Variants in FOXP1 observed in about 807,000 individuals in gnomAD.
The protein encoded by FOXP1 is forkhead box protein P1.
FOXP1 carries 15 observed loss-of-function variants against 98.2 expected under a neutral mutation model. The ratio of observed to expected loss-of-function variants is 0.15; its 90% CI spans 0.10 to 0.24. The LOEUF (loss-of-function observed/expected upper bound fraction) is 0.24. FOXP1 is among the 10% of genes least tolerant of loss of function. FOXP1 has a pLI of 1.00. For missense variants in FOXP1, 633 were observed against 848.5 expected, an observed-to-expected ratio of 0.75 and a Z score of 3.15; for synonymous variants, 371 against 314.5, an observed-to-expected ratio of 1.18 and a Z score of -1.90.
chr3:71,382,045 G>T (rs2080216985), intron 3 of FOXP1, among the ~76,000 whole-genome samples: 1 of 152,186 alleles, frequency 6.6e-6, no homozygotes, highest in Non-Finnish European at 1.5e-5. Context: ...GCCTAGGCAG[G>T]CGAGTTTCTT....
intron 13 of FOXP1, among the ~76,000 whole-genome samples, chr3:70,993,032 G>T (rs560785743): frequency 6.6e-6 from 1 of 152,132 alleles, no homozygotes; most frequent in South Asian, 2.1e-4. Context: ...GCCAAAGGGG[G>T]ATACATTACA....
chr3:70,997,435 T>C (rs777800296), intron 13 of FOXP1, among the ~76,000 whole-genome samples: 11 of 152,208 alleles, frequency 7.2e-5, no homozygotes, highest in Non-Finnish European at 1.6e-4. Flanking sequence ...GTGTCCCAAA[T>C]GCCCCCATAT....
intron 2 of FOXP1, among the ~76,000 whole-genome samples, chr3:71,510,964 A>G (rs2042164257): frequency 6.6e-6 from 1 of 152,214 alleles, no homozygotes; most frequent in Non-Finnish European, 1.5e-5. Flanking sequence ...ACTATTATTA[A>G]ACACCCCATT....
intron 2 of FOXP1, among the ~76,000 whole-genome samples, chr3:71,539,001 T>C (rs2044543189): frequency 6.6e-6 from 1 of 152,096 alleles, no homozygotes; most frequent in Non-Finnish European, 1.5e-5. Context: ...GGTTTATTTC[T>C]TGACTCTCAA....
intron 1 of FOXP1, chr3:71,582,641 G>A (rs2048278005): frequency 2.0e-6 from 2 of 985,312 alleles, no homozygotes; most frequent in East Asian, 1.1e-4. Context: ...GTGTGTGATG[G>A]TGGGAGAGAG....
At chr3:71,179,359 C>T (rs1023747616) in intron 6 of FOXP1, among the ~76,000 whole-genome samples, 2 of 151,958 alleles carry the variant, frequency 1.3e-5, no homozygotes, top group Admixed American at 6.6e-5. Context: ...CCACCTGCCT[C>T]GGCCTCTCAA....
At chr3:71,008,048 A>T (rs1453413519) in intron 12 of FOXP1, among the ~76,000 whole-genome samples, 1 of 152,196 alleles carries the variant, frequency 6.6e-6, no homozygotes, top group African/African-American at 2.4e-5. Context: ...TTCAAATAGG[A>T]TACTAAGCAA....
intron 3 of FOXP1, among the ~76,000 whole-genome samples, chr3:71,462,549 GAC>G (rs2088245693): frequency 6.6e-6 from 1 of 152,134 alleles, no homozygotes; most frequent in South Asian, 2.1e-4. Context: ...AACTTTCTAA[GAC>G]AGAATAAAAT....
At chr3:71,234,857 T>G (rs987131002) in intron 5 of FOXP1, among the ~76,000 whole-genome samples, 8 of 152,110 alleles carry the variant, frequency 5.3e-5, no homozygotes, top group Non-Finnish European at 8.8e-5. Context: ...TACTAATGAA[T>G]CTGCAGCTTC....
Position 71,529,738 on chromosome 3 carries a change from T to G in FOXP1, c.-297-36183A>C, listed in dbSNP as rs185977046. ...CTGAACATGTCGAGGTTCCTGGGGT[T>G]GCCACCTCCAGAGAAGGCATGGCAT... On this transcript the variant is annotated intron_variant, in intron 2 of 20. Coordinates refer to ENST00000649528, the MANE Select transcript of FOXP1 (RefSeq NM_001349338.3). Among the ~76,000 whole-genome samples, 196 of 152,332 alleles carry G rather than the reference T, an allele frequency of 1.3e-3. 4 individuals are homozygous for G. Among genetic ancestry groups the G allele is most frequent in the Non-Finnish European group, 4.0e-4 (27 of 68,038 alleles).
chr3:71,059,361 T>C (rs1028519375), intron 7 of FOXP1, among the ~76,000 whole-genome samples: 3 of 152,160 alleles, frequency 2.0e-5, no homozygotes, highest in Non-Finnish European at 4.4e-5. Context: ...GCAGAGGTAT[T>C]AGTGGAACAT....
At chr3:70,988,903 G>GAAAT (rs2040178167) in intron 13 of FOXP1, among the ~76,000 whole-genome samples, 1 of 152,108 alleles carries the variant, frequency 6.6e-6, no homozygotes, top group Non-Finnish European at 1.5e-5. Flanking sequence ...AAGATAAAGG[G>GAAAT]ATAGTCAAGA....
rs558048573 is a variant in FOXP1 at position 71,303,475 on chromosome 3, T to C, written c.-72-3595A>G. Among the ~76,000 whole-genome samples, 8 of 152,300 alleles carry C rather than the reference T, an allele frequency of 5.3e-5. No homozygotes were observed. In the South Asian group the frequency reaches 1.7e-3, roughly 32 times the overall value. On this transcript the variant is annotated intron_variant, in intron 4 of 20. Transcript: ENST00000649528. ...CCTCCAATCAAATGGCCTGTACTCA[T>C]TTGCAAAAACTGGTCCAAATAGGCC...
At chr3:71,406,105 C>G (rs1172457039) in intron 3 of FOXP1, among the ~76,000 whole-genome samples, 1 of 152,108 alleles carries the variant, frequency 6.6e-6, no homozygotes, top group Non-Finnish European at 1.5e-5. Flanking sequence ...GTCACCGTAC[C>G]ATACCAGGCA....
intron 7 of FOXP1, among the ~76,000 whole-genome samples, chr3:71,097,554 A>G (rs2056582275): frequency 6.6e-6 from 1 of 152,222 alleles, no homozygotes; most frequent in Non-Finnish European, 1.5e-5. Context: ...CAGGTGAAAT[A>G]GTTTATACAT....
chr3:71,209,928 A>G (rs1335619468), intron 5 of FOXP1, among the ~76,000 whole-genome samples: 4 of 152,230 alleles, frequency 2.6e-5, no homozygotes, highest in Non-Finnish European at 5.9e-5. Flanking sequence ...TAATTTATCT[A>G]TATCTTACAC....
At chr3:71,396,414 TAAATGAGG>T (rs1020673221) in intron 3 of FOXP1, among the ~76,000 whole-genome samples, 8 of 152,118 alleles carry the variant, frequency 5.3e-5, no homozygotes, top group Admixed American at 2.0e-4. Context: ...CTCCATTTTG[TAAATGAGG>T]AAACTGGGCT....
chr3:71,125,175 C>T (rs1391548883), intron 6 of FOXP1, among the ~76,000 whole-genome samples: 1 of 152,166 alleles, frequency 6.6e-6, no homozygotes, highest in Non-Finnish European at 1.5e-5. Flanking sequence ...GATGATGATA[C>T]TGGTGGTGAT....
At chr3:71,335,038 T>C (rs2076583222) in intron 4 of FOXP1, 1 of 152,060 alleles carries the variant, frequency 6.6e-6, no homozygotes, top group African/African-American at 2.4e-5. Context: ...GGTGGGAGGA[T>C]CACTTGGGGC....
Sources: allele counts gnomAD v4.1 joint callset (sites outside exome capture counted in the v4.1 genomes callset), GRCh38; gene constraint gnomAD v4.1.1; transcripts MANE v1.5; gene names NCBI Gene and HGNC (gene_info 2026-07-23, HGNC 2026-07-21).